Variants in UTRN observed in about 807,000 individuals in gnomAD.
UTRN encodes the protein utrophin.
UTRN carries 283 observed loss-of-function variants against 463.9 expected under a neutral mutation model. That is an observed-to-expected ratio of 0.61 (90% CI 0.55 to 0.67). The LOEUF (loss-of-function observed/expected upper bound fraction) is 0.67, where lower values mean the gene tolerates loss of function less well. UTRN is among the 30% of genes least tolerant of loss of function. The pLI, the probability that UTRN is intolerant of heterozygous loss-of-function variation, is 0.00. For synonymous variants in UTRN, 1,442 were observed against 1,431.5 expected, an observed-to-expected ratio of 1.01 and a Z score of -0.17; for missense variants, 3,922 against 4,084.3, an observed-to-expected ratio of 0.96 and a Z score of 1.08.
intron 33 of UTRN, among the ~76,000 whole-genome samples, chr6:144,497,448 G>T (rs1475032110): frequency 1.3e-5 from 2 of 151,336 alleles, no homozygotes; most frequent in East Asian, 3.9e-4. Flanking sequence ...GGCCAAGGTG[G>T]TGGATCACCT....
chr6:144,773,620 T>C (rs769685528), intron 59 of UTRN, among the ~76,000 whole-genome samples: 5 of 152,202 alleles, frequency 3.3e-5, no homozygotes, highest in African/African-American at 4.8e-5. Flanking sequence ...AAGTGTCTGT[T>C]TTTACACTTA....
chr6:144,542,933 G>T, intron 46 of UTRN, 63 bp downstream of exon 46: 1 of 1,378,318 alleles, frequency 7.3e-7, no homozygotes, highest in Non-Finnish European at 1.0e-6. Context: ...TTTGTGATAT[G>T]AGCCTCATAC....
At chr6:144,462,282 G>A (rs1789501838) in intron 22 of UTRN, among the ~76,000 whole-genome samples, 1 of 152,110 alleles carries the variant, frequency 6.6e-6, no homozygotes, top group African/African-American at 2.4e-5. Context: ...TGGTTGATAT[G>A]TACCACATTT....
In UTRN at chr6:144,820,820, G is replaced by T. The variant is rs879133922; in HGVS notation, c.9358-62G>T. 1.5e-5 allele frequency: 23 copies of T among 1,553,152 alleles called. No homozygotes were observed. The Admixed American group carries it at 3.9e-4, about 26-fold the overall frequency. ...ATCAATTTACATCGGCTCTGATTTT[G>T]TTATAGATAGTTATTGCCTTCCATT... is the stretch of plus-strand genomic sequence containing the variant. On this transcript the variant is annotated intron_variant, in intron 65 of 74. Transcript: ENST00000367545.
chr6:144,325,542 G>C (rs1488313925), intron 2 of UTRN, among the ~76,000 whole-genome samples: 2 of 152,196 alleles, frequency 1.3e-5, no homozygotes, highest in Non-Finnish European at 2.9e-5. Flanking sequence ...TTCTGTTGCA[G>C]TAGCATAGAA....
intron 27 of UTRN, among the ~76,000 whole-genome samples, 161 bp downstream of exon 27, chr6:144,482,549 T>C (rs1792006891): frequency 6.6e-6 from 1 of 151,918 alleles, no homozygotes; most frequent in Admixed American, 6.6e-5. Flanking sequence ...AAAGAAAAAA[T>C]AGTTCTTGGG....
intron 51 of UTRN, among the ~76,000 whole-genome samples, chr6:144,666,404 A>G (rs1780401552): frequency 6.6e-6 from 1 of 152,124 alleles, no homozygotes; most frequent in African/African-American, 2.4e-5. Flanking sequence ...CAATTTTTCA[A>G]TTGTTTGGTT....
In UTRN at chr6:144,286,783, C is replaced by G. The variant is rs1803704497; in HGVS notation, c.-93+962C>G. Among the ~76,000 whole-genome samples the G allele has an allele frequency of 1.3e-5, 2 of 152,108 alleles. No homozygotes were observed. Among genetic ancestry groups the G allele is most frequent in the South Asian group, 2.1e-4 (1 of 4,824 alleles). ...AAACGTTGCCCGACCTCCGAGAGAG[C>G]TGTGGGACCAGCACTTTATTTTACA... On this transcript the variant is annotated intron_variant, in intron 1 of 74. Transcript: ENST00000367545. This position sits in a 1 kb window ranked among gnomAD's most constrained non-coding sequence, Gnocchi z 4.4.
At chr6:144,485,542 G>A (rs767515827) in intron 28 of UTRN, 23 bp downstream of exon 28, 1 of 1,613,886 alleles carries the variant, frequency 6.2e-7, no homozygotes, top group Non-Finnish European at 8.5e-7. Flanking sequence ...GATCTCCACG[G>A]CATTTCTCTT....
chr6:144,757,985 ATCAAG>A lies in UTRN; in HGVS notation c.8493_8495+2del. 6.2e-7 allele frequency: 1 copy of A among 1,609,330 alleles called. No homozygotes were observed. The highest frequency in any genetic ancestry group is 8.5e-7 in the Non-Finnish European group (1 of 1,177,178). On this transcript the variant is annotated splice_donor_variant and coding_sequence_variant, in exon 58 of 75. Transcript: ENST00000367545. LOFTEE classifies it high-confidence loss of function. ...TTCACATAATAAAGTGCCCTATTAC[ATCAAG>A]TAAGTTGATTTTAATTCTCCTTTAT...
chr6:144,841,381 A>G (rs1303870605), intron 73 of UTRN, among the ~76,000 whole-genome samples: 2 of 152,342 alleles, frequency 1.3e-5, no homozygotes, highest in African/African-American at 4.8e-5. Context: ...TTAAGTCATC[A>G]TAGATTAGGA....
At chr6:144,436,853 A>G (rs1786600163) in intron 10 of UTRN, among the ~76,000 whole-genome samples, 1 of 143,634 alleles carries the variant, frequency 7.0e-6, no homozygotes, top group Non-Finnish European at 1.5e-5. Flanking sequence ...TAAATAAAAT[A>G]TATAAATAAA....
intron 2 of UTRN, among the ~76,000 whole-genome samples, chr6:144,383,115 A>G (rs142049556): frequency 0.013 from 1,873 of 142,034 alleles, 36 homozygotes; most frequent in African/African-American, 0.044. Context: ...TACTTTTTGT[A>G]GAGACAGGGT....
intron 51 of UTRN, among the ~76,000 whole-genome samples, chr6:144,612,905 C>T (rs962981055): frequency 2.0e-5 from 3 of 152,058 alleles, no homozygotes; most frequent in South Asian, 2.1e-4. Flanking sequence ...TGCACTCTCA[C>T]GTTCATTGTA....
At chr6:144,596,847 G>C (rs564117459) in intron 51 of UTRN, among the ~76,000 whole-genome samples, 1 of 152,066 alleles carries the variant, frequency 6.6e-6, no homozygotes, top group African/African-American at 2.4e-5. Context: ...TTGAGCCCTT[G>C]CATACTTTAC....
chr6:144,426,136 C>T, intron 6 of UTRN, 151 bp from the exon 7 acceptor site: 1 of 942,228 alleles, frequency 1.1e-6, no homozygotes, highest in Non-Finnish European at 1.5e-6. Context: ...GCTCTAGTGT[C>T]TACAGAAAAA....
At chr6:144,747,569 T>A (rs1394400504) in intron 54 of UTRN, among the ~76,000 whole-genome samples, 17 of 152,206 alleles carry the variant, frequency 1.1e-4, no homozygotes. Flanking sequence ...GTGTTATGCT[T>A]GCTATTTTTA....
At chr6:144,311,814 A>ACCC (rs1250512725) in intron 2 of UTRN, 1 of 152,242 alleles carries the variant, frequency 6.6e-6, no homozygotes, top group Non-Finnish European at 1.5e-5. Context: ...AATATAGATT[A>ACCC]TATGATGGTA....
chr6:144,764,664 G>A (rs1793071959), intron 58 of UTRN, among the ~76,000 whole-genome samples: 1 of 152,008 alleles, frequency 6.6e-6, no homozygotes, highest in Admixed American at 6.6e-5. Flanking sequence ...ATTAGCAAAA[G>A]TACAGAAGTA....
Sources: allele counts gnomAD v4.1 joint callset (sites outside exome capture counted in the v4.1 genomes callset), GRCh38; gene constraint gnomAD v4.1.1; non-coding constraint Gnocchi (gnomAD v3.1); transcripts MANE v1.5; gene names NCBI Gene and HGNC (gene_info 2026-07-23, HGNC 2026-07-21).